The following KMT2C variants were observed in gnomAD, a reference collection of about 807,000 sequenced individuals.
KMT2C encodes the protein histone-lysine N-methyltransferase 2C.
In KMT2C, 88 loss-of-function variants were observed where a neutral mutation model predicts 507.9. That is an observed-to-expected ratio of 0.17 (90% CI 0.15 to 0.21). The LOEUF (loss-of-function observed/expected upper bound fraction) is 0.21. Ranked by LOEUF, KMT2C falls within the 10% of genes least tolerant of loss-of-function variation. The pLI is 1.00. For synonymous variants in KMT2C, 2,049 were observed against 2,080.8 expected (o/e 0.98, Z 0.42); for missense variants, 4,954 against 5,957.8 (o/e 0.83, Z 5.55).
At position 152,346,931 on chromosome 7, in the gene KMT2C, T is replaced by A. The variant is rs550536336; in HGVS notation, c.250+11656A>T. 2.0e-5 allele frequency among the ~76,000 whole-genome samples: 3 copies of A among 152,154 alleles called. No individual in the cohort carries two copies. In the East Asian group the frequency reaches 5.8e-4, roughly 29 times the overall value. On this transcript the variant is annotated intron_variant, in intron 2 of 58. Transcript: ENST00000262189. ...CAGGAGGTCAGGAGATAAGAGACCA[T>A]CCTGGCTAACACGGTGAAACCCCGT...
At chr7:152,219,877 T>A (rs2094711123) in intron 23 of KMT2C, among the ~76,000 whole-genome samples, 2 of 151,906 alleles carry the variant, frequency 1.3e-5, no homozygotes, top group African/African-American at 4.8e-5. Context: ...GTGGCCCGCA[T>A]CCATGGTCCC....
At chr7:152,394,086 T>G (rs1361472936) in intron 1 of KMT2C, among the ~76,000 whole-genome samples, 1 of 152,224 alleles carries the variant, frequency 6.6e-6, no homozygotes, top group Non-Finnish European at 1.5e-5. Flanking sequence ...CCTCAACATA[T>G]GCAGAATTAC....
rs916656803 is a variant in KMT2C, at chr7:152,336,943, C to T, written c.251-6204G>A. 2.6e-5 allele frequency among the ~76,000 whole-genome samples: 4 copies of T among 152,066 alleles called. No individual in the cohort carries two copies. The South Asian group carries it at 6.2e-4, about 24-fold the overall frequency. Reference sequence around the variant, plus strand: ...CGATTTCATCTGTAGCCACTATCTACGGATAATCTCCATCCACTAGGTGGC... The same window carrying T: ...CGATTTCATCTGTAGCCACTATCTATGGATAATCTCCATCCACTAGGTGGC... On this transcript the variant is annotated intron_variant, in intron 2 of 58. Transcript: ENST00000262189.
At chr7:152,383,189 T>C (rs2097389917) in intron 1 of KMT2C, among the ~76,000 whole-genome samples, 1 of 151,848 alleles carries the variant, frequency 6.6e-6, no homozygotes, top group Non-Finnish European at 1.5e-5. Context: ...CTAAGTCTTG[T>C]AACCTTAAGA....
intron 13 of KMT2C, among the ~76,000 whole-genome samples, chr7:152,249,493 T>C (rs1302101085): frequency 6.6e-6 from 1 of 151,742 alleles, no homozygotes; most frequent in Non-Finnish European, 1.5e-5. Flanking sequence ...CCAGATACTT[T>C]TTTTATTTTT....
At chr7:152,145,778 A>C (rs1364030809) in intron 53 of KMT2C, among the ~76,000 whole-genome samples, 1 of 152,168 alleles carries the variant, frequency 6.6e-6, no homozygotes, top group Non-Finnish European at 1.5e-5. Flanking sequence ...TTTGACTCTG[A>C]TGTGATGAGG....
chr7:152,395,096 A>G (rs1419855557), intron 1 of KMT2C, among the ~76,000 whole-genome samples: 2 of 152,220 alleles, frequency 1.3e-5, no homozygotes, highest in Non-Finnish European at 2.9e-5. Context: ...CCATGAAATA[A>G]TCTCACTCAA....
intron 1 of KMT2C, among the ~76,000 whole-genome samples, chr7:152,368,974 TTTGA>T (rs1341895516): frequency 4.0e-5 from 6 of 151,752 alleles, no homozygotes; most frequent in East Asian, 1.9e-4. Flanking sequence ...GTTCTCGTGG[TTTGA>T]TTGTTTACAG....
intron 33 of KMT2C, 58 bp downstream of exon 33, chr7:152,187,204 A>G: frequency 7.1e-7 from 1 of 1,400,146 alleles, no homozygotes; most frequent in Non-Finnish European, 1.0e-6. Flanking sequence ...TAAAAAAAAA[A>G]AAGGTATTGC....
chr7:152,140,071 AGGCTATCTAACCTTCC>A (rs2129090210), intron 55 of KMT2C, among the ~76,000 whole-genome samples: 1 of 152,300 alleles, frequency 6.6e-6, no homozygotes, highest in South Asian at 2.1e-4. Flanking sequence ...CTTATGTATT[AGGCTATCTAACCTTCC>A]AGATGAGATA....
chr7:152,207,380 C>T lies in KMT2C; in HGVS notation c.3761G>A (p.Arg1254Gln), dbSNP rs1390544668. 1.3e-5 allele frequency: 21 copies of T among 1,610,634 alleles called. No individual in the cohort carries two copies. Among genetic ancestry groups the T allele is most frequent in the Admixed American group, 3.4e-5 (2 of 59,214 alleles). Residue 1254 changes from arginine (R) to glutamine (Q), a missense_variant, in exon 24 of 59, where the codon CGG becomes CAG. Transcript: ENST00000262189. ...CDGKSESSPE[R>Q]EAVDDETKGV... ...CTTAGTTTCATCATCCACAGCTTCC[C>T]GCTCAGGACTAGATTCTGATTTTCC... is the stretch of plus-strand genomic sequence containing the variant.
At chr7:152,198,556 T>TA (rs1417443322) in intron 27 of KMT2C, among the ~76,000 whole-genome samples, 1 of 152,146 alleles carries the variant, frequency 6.6e-6, no homozygotes, top group Non-Finnish European at 1.5e-5. Context: ...TCAAGACACT[T>TA]ACCTACCCAA....
intron 1 of KMT2C, among the ~76,000 whole-genome samples, chr7:152,387,777 C>T (rs1322266439): frequency 6.6e-6 from 1 of 151,748 alleles, no homozygotes; most frequent in East Asian, 1.9e-4. Context: ...GGCCTAATTC[C>T]ATTTGTTTTC....
intron 6 of KMT2C, among the ~76,000 whole-genome samples, chr7:152,297,057 G>GACAGACAGACAGACAGAC (rs756980169): frequency 3.3e-5 from 3 of 90,696 alleles, no homozygotes; most frequent in African/African-American, 1.4e-4. Flanking sequence ...AAGAAAGACA[G>GACAGACAGACAGACAGAC]AGAGAGAGAG....
At position 152,330,627 on chromosome 7, in the gene KMT2C, G is replaced by C. The variant is rs150305225; in HGVS notation, c.363C>G (p.Val121=). 31 of 1,614,098 alleles carry C rather than the reference G, an allele frequency of 1.9e-5. No homozygotes were observed. The African/African-American group carries it at 3.5e-4, about 18-fold the overall frequency. ...SVSEESANSL[V]SVGVEAKISE... is the part of the protein sequence containing the mutation. ...TGATTTTGGCTTCTACACCAACAGA[G>C]ACCAGGGAGTTTGCCGATTCCTCAG... Residue 121 remains valine, a synonymous_variant, in exon 3 of 59, where the codon GTC becomes GTG. Coordinates refer to ENST00000262189, the MANE Select transcript of KMT2C (RefSeq NM_170606.3).
intron 43 of KMT2C, among the ~76,000 whole-genome samples, chr7:152,160,842 T>C (rs920367057): frequency 1.3e-5 from 2 of 152,074 alleles, no homozygotes; most frequent in African/African-American, 4.8e-5. Context: ...CAAGGAGCTA[T>C]TTAAATAATG....
chr7:152,284,692 T>A (rs2096268300), intron 6 of KMT2C, among the ~76,000 whole-genome samples: 1 of 151,138 alleles, frequency 6.6e-6, no homozygotes, highest in African/African-American at 2.4e-5. Flanking sequence ...GAATAATATA[T>A]AAAAAAACTC....
intron 39 of KMT2C, among the ~76,000 whole-genome samples, chr7:152,172,598 A>T (rs1244911813): frequency 6.6e-6 from 1 of 152,210 alleles, no homozygotes; most frequent in African/African-American, 2.4e-5. Context: ...CCAGAGGCTG[A>T]TGCAGGAGAA....
chr7:152,359,742 A>G (rs1301810192), intron 1 of KMT2C, among the ~76,000 whole-genome samples: 1 of 152,114 alleles, frequency 6.6e-6, no homozygotes, highest in Non-Finnish European at 1.5e-5. Flanking sequence ...ATTGAAAAAC[A>G]TAAAACATTT....
Sources: gnomAD v4.1 joint callset for allele counts (sites outside exome capture counted in the v4.1 genomes callset) on GRCh38, gnomAD v4.1.1 for gene constraint, MANE v1.5 for transcripts, NCBI Gene and HGNC (gene_info 2026-07-23, HGNC 2026-07-21) for gene names.